The following LRRC4C variants were observed in gnomAD, a reference collection of about 807,000 sequenced individuals.
LRRC4C encodes the protein leucine rich repeat containing 4C, also known as leucine-rich repeat-containing protein 4C.
LRRC4C carries 5 observed loss-of-function variants against 33.6 expected under a neutral mutation model. The observed-to-expected ratio is 0.15, with a 90% CI of 0.08 to 0.31. The LOEUF is 0.31. Ranked by LOEUF, LRRC4C falls within the 10% of genes least tolerant of loss-of-function variation. The pLI, the probability that LRRC4C is intolerant of heterozygous loss-of-function variation, is 1.00. For missense variants in LRRC4C, 560 were observed against 796.7 expected (o/e 0.70, Z 3.58); for synonymous variants, 329 against 302.0 (o/e 1.09, Z -0.93).
At chr11:41,227,997 T>G (rs1398813546) in intron 1 of LRRC4C, among the ~76,000 whole-genome samples, 1 of 152,142 alleles carries the variant, frequency 6.6e-6, no homozygotes, top group Non-Finnish European at 1.5e-5. Flanking sequence ...CATTTGAATG[T>G]ATTCACACTG....
At position 40,964,901 on chromosome 11, in the gene LRRC4C, G is replaced by A. The variant is rs562326663; in HGVS notation, c.-495-31178C>T. On this transcript the variant is annotated intron_variant, in intron 1 of 6. Transcript: ENST00000528697. ...GTATATACCCAGTAATAGGATGGCTGGGTCAAATGGTATTTCTAGTTCTAG... is the reference window on the plus strand; with the variant it reads ...GTATATACCCAGTAATAGGATGGCTAGGTCAAATGGTATTTCTAGTTCTAG... Among the ~76,000 whole-genome samples, 266 of 152,096 alleles carry A rather than the reference G, an allele frequency of 1.7e-3. 1 individual carries two copies. The highest frequency in any genetic ancestry group is 6.2e-3 in the African/African-American group (257 of 41,478).
chr11:40,386,682 T>C (rs1302106800), intron 3 of LRRC4C, among the ~76,000 whole-genome samples: 1 of 152,308 alleles, frequency 6.6e-6, no homozygotes, highest in East Asian at 1.9e-4. Context: ...TCTAGCTTTC[T>C]TCGCTTTTAT....
At chr11:41,301,555 G>C (rs1950289316) in intron 1 of LRRC4C, among the ~76,000 whole-genome samples, 1 of 152,156 alleles carries the variant, frequency 6.6e-6, no homozygotes, top group Non-Finnish European at 1.5e-5. Flanking sequence ...AATGGTCTAT[G>C]CAAGCACAGT....
intron 3 of LRRC4C, among the ~76,000 whole-genome samples, chr11:40,404,830 T>G (rs1949900054): frequency 6.6e-6 from 1 of 152,020 alleles, no homozygotes; most frequent in African/African-American, 2.4e-5. Context: ...AAACAAATGT[T>G]ATCATGTATA....
chr11:40,394,801 G>A (rs1337160989), intron 3 of LRRC4C, among the ~76,000 whole-genome samples: 2 of 152,108 alleles, frequency 1.3e-5, no homozygotes, highest in Non-Finnish European at 2.9e-5. Flanking sequence ...TTTCAAATGG[G>A]TTTTATTATT....
chr11:40,185,796 A>G (rs1259853674), intron 5 of LRRC4C, among the ~76,000 whole-genome samples: 1 of 152,136 alleles, frequency 6.6e-6, no homozygotes, highest in Non-Finnish European at 1.5e-5. Context: ...TGAGGATGGG[A>G]GGAGGAACAG....
chr11:40,122,708 G>A (rs1445650616), intron 6 of LRRC4C, among the ~76,000 whole-genome samples: 13 of 151,684 alleles, frequency 8.6e-5, no homozygotes, highest in Non-Finnish European at 1.9e-4. Context: ...AATACACAAG[G>A]TGTAATACTC....
At chr11:40,120,378 A>C (rs565647720) in intron 6 of LRRC4C, among the ~76,000 whole-genome samples, 131 of 152,166 alleles carry the variant, frequency 8.6e-4, no homozygotes, top group Admixed American at 9.2e-4. Context: ...ATGGCCTTAA[A>C]TAACTCTTTT....
At chr11:40,917,753 C>A (rs1378615909) in intron 2 of LRRC4C, among the ~76,000 whole-genome samples, 2 of 152,090 alleles carry the variant, frequency 1.3e-5, no homozygotes, top group Non-Finnish European at 2.9e-5. Flanking sequence ...CCACAGCATT[C>A]TGTAATTCAA....
chr11:40,541,598 A>G (rs1369944240), intron 3 of LRRC4C, among the ~76,000 whole-genome samples: 4 of 152,150 alleles, frequency 2.6e-5, no homozygotes, highest in Non-Finnish European at 5.9e-5. Flanking sequence ...TTCTGCTGCA[A>G]TAAAAGGCTA....
At chr11:41,089,098 T>G (rs574649658) in intron 1 of LRRC4C, among the ~76,000 whole-genome samples, 1 of 151,946 alleles carries the variant, frequency 6.6e-6, no homozygotes, top group Non-Finnish European at 1.5e-5. Flanking sequence ...ATGTATTATA[T>G]CTCAGAAAAT....
At position 41,305,163 on chromosome 11, in the gene LRRC4C, C is replaced by T. The variant is rs370163098; in HGVS notation, c.-496+154268G>A. ...CGGGAGGTGAGGGGCGCCTCTGCCC[C>T]GCCGCCCCTACTGGGAAGTGAGGAG... On this transcript the variant is annotated intron_variant, in intron 1 of 6. Coordinates refer to ENST00000528697, the MANE Select transcript of LRRC4C (RefSeq NM_001258419.2). Among the ~76,000 whole-genome samples, 3 of 17,986 alleles carry T rather than the reference C, an allele frequency of 1.7e-4. 1 individual carries two copies. The highest frequency in any genetic ancestry group is 3.1e-4 in the African/African-American group (3 of 9,534). 11.8% of individuals were successfully genotyped at this position (17,986 alleles called of 152,430 possible). A position where few individuals can be genotyped will look rare whatever the true frequency, so the allele number is the denominator to read the frequency against.
At chr11:40,520,207 G>C (rs1199701639) in intron 3 of LRRC4C, among the ~76,000 whole-genome samples, 1 of 152,166 alleles carries the variant, frequency 6.6e-6, no homozygotes, top group Non-Finnish European at 1.5e-5. Context: ...AGTTACCCAA[G>C]AGCGCATGTT....
At chr11:40,313,942 G>A (rs1266576792) in intron 4 of LRRC4C, among the ~76,000 whole-genome samples, 2 of 151,970 alleles carry the variant, frequency 1.3e-5, no homozygotes, top group East Asian at 3.9e-4. Context: ...ACATTGGTCT[G>A]GGAAAACATT....
At chr11:40,737,319 A>T (rs1947922003) in intron 2 of LRRC4C, among the ~76,000 whole-genome samples, 1 of 152,190 alleles carries the variant, frequency 6.6e-6, no homozygotes, top group African/African-American at 2.4e-5. Flanking sequence ...CAAGACAAGG[A>T]TGCCCTCTCT....
intron 2 of LRRC4C, among the ~76,000 whole-genome samples, chr11:40,705,694 T>C (rs186123649): frequency 1.2e-4 from 19 of 152,224 alleles, no homozygotes; most frequent in Admixed American, 3.3e-4. Context: ...TATAGTAGCA[T>C]GATTTATAAT....
At chr11:40,573,762 T>C (rs1310315721) in intron 3 of LRRC4C, among the ~76,000 whole-genome samples, 2 of 152,176 alleles carry the variant, frequency 1.3e-5, no homozygotes, top group Admixed American at 6.6e-5. Context: ...TGACAGAGGA[T>C]AACTTACTGC....
At chr11:40,683,171 G>A (rs1332170137) in intron 2 of LRRC4C, among the ~76,000 whole-genome samples, 2 of 152,148 alleles carry the variant, frequency 1.3e-5, no homozygotes, top group African/African-American at 2.4e-5. Flanking sequence ...GGCTTGATGC[G>A]AAGGTGGTGG....
chr11:40,722,998 G>T (rs1017173193), intron 2 of LRRC4C, among the ~76,000 whole-genome samples: 4 of 152,080 alleles, frequency 2.6e-5, no homozygotes, highest in African/African-American at 9.7e-5. Context: ...GCAGGGGAAA[G>T]AATTTTAGAG....
Sources: allele counts gnomAD v4.1 joint callset (sites outside exome capture counted in the v4.1 genomes callset), GRCh38; gene constraint gnomAD v4.1.1; transcripts MANE v1.5; gene names NCBI Gene and HGNC (gene_info 2026-07-23, HGNC 2026-07-21).